The following KCNH7 variants were observed in gnomAD, a reference collection of about 807,000 sequenced individuals.
KCNH7 encodes the protein potassium voltage-gated channel subfamily H member 7.
In KCNH7, 49 loss-of-function variants were observed where a neutral mutation model predicts 120.8. The ratio of observed to expected loss-of-function variants is 0.41; its 90% CI spans 0.32 to 0.51. The LOEUF (loss-of-function observed/expected upper bound fraction) is 0.51. KCNH7 is among the 20% of genes least tolerant of loss of function. KCNH7 has a pLI of 0.38. For missense variants in KCNH7, 1,097 were observed against 1,446.6 expected (o/e 0.76, Z 3.92); for synonymous variants, 547 against 516.1 (o/e 1.06, Z -0.81).
intron 2 of KCNH7, among the ~76,000 whole-genome samples, chr2:162,565,317 G>GA (rs1023905748): frequency 2.4e-4 from 36 of 151,232 alleles, no homozygotes; most frequent in Non-Finnish European, 4.1e-4. Context: ...TTTGCTTGAG[G>GA]AAAAAAAACG....
chr2:162,445,426 CAA>C (rs1688546651), intron 7 of KCNH7, among the ~76,000 whole-genome samples: 1 of 152,004 alleles, frequency 6.6e-6, no homozygotes, highest in South Asian at 2.1e-4. Context: ...TCTTTTGGAT[CAA>C]AGAGTCTTTT....
intron 2 of KCNH7, among the ~76,000 whole-genome samples, chr2:162,828,677 A>G (rs1198263212): frequency 2.6e-5 from 4 of 152,112 alleles, no homozygotes; most frequent in Admixed American, 1.3e-4. Flanking sequence ...CTGTATTCTG[A>G]CTCATCTGGA....
chr2:162,381,042 G>A (rs1573893581), intron 13 of KCNH7, among the ~76,000 whole-genome samples: 1 of 152,000 alleles, frequency 6.6e-6, no homozygotes, highest in African/African-American at 2.4e-5. Flanking sequence ...TAACAGGTTG[G>A]AAAATGAAAC....
intron 3 of KCNH7, among the ~76,000 whole-genome samples, chr2:162,527,411 A>G (rs1691747598): frequency 6.6e-6 from 1 of 151,982 alleles, no homozygotes; most frequent in African/African-American, 2.4e-5. Context: ...TCCAGTGGAG[A>G]ATAGTAAAAA....
At chr2:162,800,598 T>A (rs1684307302) in intron 2 of KCNH7, among the ~76,000 whole-genome samples, 1 of 151,944 alleles carries the variant, frequency 6.6e-6, no homozygotes, top group Non-Finnish European at 1.5e-5. Context: ...GTTTCCTTAT[T>A]ACCCACTCAT....
chr2:162,435,878 C>T (rs921076201), intron 7 of KCNH7, among the ~76,000 whole-genome samples: 3 of 152,046 alleles, frequency 2.0e-5, no homozygotes, highest in Non-Finnish European at 2.9e-5. Flanking sequence ...CATAAGTCCT[C>T]AGTGACTCAT....
At chr2:162,501,195 C>G (rs1470048847) in intron 6 of KCNH7, among the ~76,000 whole-genome samples, 2 of 152,114 alleles carry the variant, frequency 1.3e-5, no homozygotes, top group African/African-American at 4.8e-5. Context: ...CTGGTCTCAG[C>G]CTTTATTCAG....
chr2:162,478,109 T>C (rs949995771), intron 6 of KCNH7, among the ~76,000 whole-genome samples: 3 of 152,168 alleles, frequency 2.0e-5, no homozygotes, highest in Non-Finnish European at 4.4e-5. Context: ...GGAAATGGGC[T>C]AGGTACAGTG....
At chr2:162,525,718 G>A (rs1248052095) in intron 3 of KCNH7, among the ~76,000 whole-genome samples, 1 of 151,944 alleles carries the variant, frequency 6.6e-6, no homozygotes, top group Non-Finnish European at 1.5e-5. Context: ...GGATGATCAT[G>A]TAGTCATCAC....
At chr2:162,616,959 T>TTCTC (rs147302924) in intron 2 of KCNH7, among the ~76,000 whole-genome samples, 4 of 151,244 alleles carry the variant, frequency 2.6e-5, no homozygotes, top group African/African-American at 9.7e-5. Flanking sequence ...TGCATAATCG[T>TTCTC]TCTCTCTCTC....
chr2:162,387,222 T>C (rs1261824657), intron 12 of KCNH7, among the ~76,000 whole-genome samples: 1 of 148,766 alleles, frequency 6.7e-6, no homozygotes, highest in African/African-American at 2.5e-5. Context: ...ACAGCATTTT[T>C]CCATTCCATA....
intron 2 of KCNH7, among the ~76,000 whole-genome samples, chr2:162,684,507 A>G (rs1187598822): frequency 6.6e-6 from 1 of 152,254 alleles, no homozygotes; most frequent in Middle Eastern, 3.4e-3. Context: ...TTACAAGAAA[A>G]AAACAAACAA....
chr2:162,436,914 A>G (rs1331405120), intron 7 of KCNH7, among the ~76,000 whole-genome samples: 1 of 152,058 alleles, frequency 6.6e-6, no homozygotes, highest in East Asian at 1.9e-4. Flanking sequence ...ATTTGAGACC[A>G]GCCTGGGCAA....
intron 5 of KCNH7, among the ~76,000 whole-genome samples, chr2:162,510,784 C>T (rs1024873): frequency 0.9 from 137,093 of 151,614 alleles, 63,617 homozygotes; most frequent in East Asian, 1. Context: ...TTGGGGGTTC[C>T]TGTACCTAAT....
In KCNH7 at chr2:162,814,806, G is replaced by A. The variant is rs148288788; in HGVS notation, c.307+21731C>T. Among the ~76,000 whole-genome samples the A allele has an allele frequency of 5.8e-3, 880 of 152,146 alleles. 11 individuals carry two copies. Among genetic ancestry groups the A allele is most frequent in the African/African-American group, 0.02 (826 of 41,510 alleles). On this transcript the variant is annotated intron_variant, in intron 2 of 15. Coordinates refer to ENST00000332142, the MANE Select transcript of KCNH7 (RefSeq NM_033272.4). ...CACTGGCATGCTCTCTTTTGGAGGG[G>A]GTGAGCAGCAGTCTTTTTGTTGTTG... is the stretch of plus-strand genomic sequence containing the variant.
chr2:162,517,688 C>T, intron 4 of KCNH7, 42 bp downstream of exon 4: 2 of 1,369,582 alleles, frequency 1.5e-6, no homozygotes, highest in Non-Finnish European at 2.0e-6. Flanking sequence ...TCATTTATTA[C>T]CCATTAATAT....
chr2:162,711,599 G>A (rs1007644949), intron 2 of KCNH7, among the ~76,000 whole-genome samples: 3 of 152,110 alleles, frequency 2.0e-5, no homozygotes, highest in Admixed American at 6.6e-5. Context: ...TTGTGTGCCC[G>A]TTCAACCTTG....
chr2:162,389,681 A>C (rs1686684618), intron 12 of KCNH7, among the ~76,000 whole-genome samples: 1 of 152,182 alleles, frequency 6.6e-6, no homozygotes, highest in South Asian at 2.1e-4. Context: ...TAATTTTCAC[A>C]ATATTTGAGG....
chr2:162,613,266 A>T (rs1434475538), intron 2 of KCNH7, among the ~76,000 whole-genome samples: 5 of 152,076 alleles, frequency 3.3e-5, no homozygotes, highest in Admixed American at 3.3e-4. Context: ...GACTATAATT[A>T]GAGTGACTAT....
Sources: gnomAD v4.1 joint callset for allele counts (sites outside exome capture counted in the v4.1 genomes callset) on GRCh38, gnomAD v4.1.1 for gene constraint, MANE v1.5 for transcripts, NCBI Gene and HGNC (gene_info 2026-07-23, HGNC 2026-07-21) for gene names.